The following CHD9 variants were observed in gnomAD, a reference collection of about 807,000 sequenced individuals.
CHD9 encodes the protein ATP-dependent chromatin remodeler CHD9.
A neutral mutation model predicts 316.1 loss-of-function variants in CHD9; 77 were observed. The ratio of observed to expected loss-of-function variants is 0.24; its 90% CI spans 0.20 to 0.29. The LOEUF (loss-of-function observed/expected upper bound fraction) is 0.29. CHD9 is among the 10% of genes least tolerant of loss of function. The pLI, the probability that CHD9 is intolerant of heterozygous loss-of-function variation, is 1.00. For missense variants in CHD9, 2,763 were observed against 3,438.1 expected, an observed-to-expected ratio of 0.80 and a Z score of 4.91; for synonymous variants, 1,129 against 1,158.3, an observed-to-expected ratio of 0.97 and a Z score of 0.51.
At chr16:53,248,600 A>T (rs1191323226) in intron 16 of CHD9, among the ~76,000 whole-genome samples, 4 of 132,454 alleles carry the variant, frequency 3.0e-5, no homozygotes, top group Admixed American at 2.7e-4. Context: ...ATCATAGCTC[A>T]TTGCAACCTC....
At chr16:53,189,466 T>C (rs775912288) in intron 2 of CHD9, among the ~76,000 whole-genome samples, 11 of 152,012 alleles carry the variant, frequency 7.2e-5, no homozygotes, top group Non-Finnish European at 1.6e-4. Flanking sequence ...TCTGTTGATA[T>C]GATTTTCAGA....
chr16:53,252,229 G>A (rs1448278611), intron 17 of CHD9, among the ~76,000 whole-genome samples: 1 of 152,104 alleles, frequency 6.6e-6, no homozygotes, highest in East Asian at 1.9e-4. Flanking sequence ...ACAGAATAGA[G>A]AACCCAGAAA....
In CHD9 at chr16:53,242,228, C is replaced by G. The variant is rs531063372; in HGVS notation, c.2878-612C>G. ...AACCTTATACTTCTTATCCCACATC[C>G]TTGTTTTATTTTATTCCACAGCCCT... On this transcript the variant is annotated intron_variant, in intron 12 of 38. Transcript: ENST00000447540. Among the ~76,000 whole-genome samples, 12 of 152,258 alleles carry G rather than the reference C, an allele frequency of 7.9e-5. No individual in the cohort carries two copies. In the East Asian group the frequency reaches 2.3e-3, roughly 29 times the overall value.
At chr16:53,088,276 TTTG>T in intron 1 of CHD9, among the ~76,000 whole-genome samples, 2 of 13,460 alleles carry the variant, frequency 1.5e-4, no homozygotes. Context: ...TGACATGCAC[TTTG>T]TTTTTTTTTT....
intron 1 of CHD9, among the ~76,000 whole-genome samples, chr16:53,056,420 T>TA (rs1348940256): frequency 6.6e-6 from 1 of 152,220 alleles, no homozygotes; most frequent in African/African-American, 2.4e-5. Flanking sequence ...AGGGCCAAGT[T>TA]AGACTCCTGA....
At chr16:53,318,958 A>G (rs1407805183) in intron 37 of CHD9, among the ~76,000 whole-genome samples, 1 of 152,240 alleles carries the variant, frequency 6.6e-6, no homozygotes, top group East Asian at 1.9e-4. Flanking sequence ...TGATGAAACT[A>G]GAATGTCTTG....
intron 24 of CHD9, among the ~76,000 whole-genome samples, chr16:53,283,169 A>T (rs910416596): frequency 1.3e-5 from 2 of 152,022 alleles, no homozygotes; most frequent in Admixed American, 6.6e-5. Flanking sequence ...AACCTCTCAG[A>T]TCTGGGTTAG....
chr16:53,129,927 T>C (rs1008278719), intron 1 of CHD9, among the ~76,000 whole-genome samples: 2 of 152,168 alleles, frequency 1.3e-5, no homozygotes, highest in Non-Finnish European at 2.9e-5. Context: ...TAGGATTTGA[T>C]GTAGGTCACT....
intron 1 of CHD9, among the ~76,000 whole-genome samples, chr16:53,073,016 T>A (rs1394357111): frequency 6.6e-6 from 1 of 152,188 alleles, no homozygotes; most frequent in East Asian, 1.9e-4. Flanking sequence ...CATTTTCATA[T>A]CTATGGTTCT....
At chr16:53,228,538 T>TG (rs2047863971) in intron 7 of CHD9, among the ~76,000 whole-genome samples, 1 of 67,906 alleles carries the variant, frequency 1.5e-5, no homozygotes, top group Non-Finnish European at 3.2e-5. Flanking sequence ...CATGAAAGTG[T>TG]TTTTTTTTTT....
chr16:53,191,339 G>A (rs1308350123), intron 2 of CHD9, among the ~76,000 whole-genome samples: 1 of 151,742 alleles, frequency 6.6e-6, no homozygotes, highest in African/African-American at 2.4e-5. Flanking sequence ...ACTCTTTTTA[G>A]TGAACAGTTC....
intron 31 of CHD9, among the ~76,000 whole-genome samples, chr16:53,305,974 G>A (rs2055927634): frequency 6.6e-6 from 1 of 152,110 alleles, no homozygotes; most frequent in Admixed American, 6.6e-5. Flanking sequence ...CCTGTAATCT[G>A]AGCTACTTGA....
At chr16:53,216,542 A>C (rs2046777431) in intron 3 of CHD9, among the ~76,000 whole-genome samples, 3 of 152,216 alleles carry the variant, frequency 2.0e-5, no homozygotes, top group Non-Finnish European at 4.4e-5. Context: ...TAAAGGGATC[A>C]TCTTTTGGAA....
chr16:53,247,065 G>A (rs2049696497), intron 15 of CHD9, among the ~76,000 whole-genome samples: 1 of 152,180 alleles, frequency 6.6e-6, no homozygotes, highest in South Asian at 2.1e-4. Context: ...GGTATCTGAG[G>A]AGACAAAAAG....
rs1370168090 is a variant in CHD9, at chr16:53,326,357, A to G, written c.*1462A>G. 6.6e-6 allele frequency: 1 copy of G among 152,376 alleles called. No homozygotes were observed. Among genetic ancestry groups the G allele is most frequent in the Non-Finnish European group, 1.5e-5 (1 of 67,888 alleles). The allele number at this position is 152,376 out of a possible 1,614,324, so 9.4% of individuals were successfully genotyped here. On this transcript the variant is annotated 3_prime_UTR_variant, in exon 39 of 39. Transcript: ENST00000447540. Reference sequence around the variant, plus strand: ...CTGCAAGGGCATAAATTTAGGGGGAAAAAGTGTCCCAGTTCTCTCCTACAG... The same window carrying G: ...CTGCAAGGGCATAAATTTAGGGGGAGAAAGTGTCCCAGTTCTCTCCTACAG...
chr16:53,217,712 T>C (rs1036908365), intron 3 of CHD9, among the ~76,000 whole-genome samples: 1 of 152,158 alleles, frequency 6.6e-6, no homozygotes, highest in Admixed American at 6.5e-5. Flanking sequence ...CAAGGTTCAT[T>C]GTAAATAACC....
At chr16:53,227,669 A>C (rs917512056) in intron 7 of CHD9, 66 bp downstream of exon 7, 6 of 412,358 alleles carry the variant, frequency 1.5e-5, no homozygotes, top group African/African-American at 1.0e-4. Flanking sequence ...TATATTTAAT[A>C]AATTAAAATT....
At chr16:53,163,600 C>G (rs1453829503) in intron 2 of CHD9, among the ~76,000 whole-genome samples, 2 of 152,152 alleles carry the variant, frequency 1.3e-5, no homozygotes, top group African/African-American at 4.8e-5. Flanking sequence ...GAATATGATG[C>G]ATACATTTTC....
intron 2 of CHD9, among the ~76,000 whole-genome samples, chr16:53,189,632 C>T (rs1261847594): frequency 6.6e-6 from 1 of 151,736 alleles, no homozygotes; most frequent in East Asian, 1.9e-4. Flanking sequence ...AGATACTGCT[C>T]TGCAGTTTGA....
Sources: gnomAD v4.1 joint callset for allele counts (sites outside exome capture counted in the v4.1 genomes callset) on GRCh38, gnomAD v4.1.1 for gene constraint, MANE v1.5 for transcripts, NCBI Gene and HGNC (gene_info 2026-07-23, HGNC 2026-07-21) for gene names.